The following STAU2 variants were observed in gnomAD, a reference collection of about 807,000 sequenced individuals.
The protein encoded by STAU2 is double-stranded RNA-binding protein Staufen homolog 2.
A neutral mutation model predicts 65.9 loss-of-function variants in STAU2; 20 were observed. That is an observed-to-expected ratio of 0.30 (90% CI 0.21 to 0.44). STAU2 has a LOEUF of 0.44. Ranked by LOEUF, STAU2 falls within the 20% of genes least tolerant of loss-of-function variation. The pLI, the probability that STAU2 is intolerant of heterozygous loss-of-function variation, is 1.00. For synonymous variants in STAU2, 232 were observed against 233.9 expected, an observed-to-expected ratio of 0.99 and a Z score of 0.07; for missense variants, 558 against 683.9, an observed-to-expected ratio of 0.82 and a Z score of 2.05.
rs368346864 is a variant in STAU2, at chr8:73,435,039, ACACCTGGCAGATGTCAG to A, written c.1531-12354_1531-12338del. Among the ~76,000 whole-genome samples, 447 of 129,106 alleles carry A rather than the reference ACACCTGGCAGATGTCAG, an allele frequency of 3.5e-3. 10 individuals are homozygous for A. The highest frequency in any genetic ancestry group is 0.019 in the African/African-American group (424 of 22,344). 84.7% of individuals were successfully genotyped at this position (129,106 alleles called of 152,430 possible). On this transcript the variant is annotated intron_variant, in intron 13 of 14. Transcript: ENST00000524300. The stretch of plus-strand genomic sequence containing the variant: ...AGGAGACCAGTCCCTAGCCTCAGGA[ACACCTGGCAGATGTCAG>A]CGTTATCCACACGCTCCCTGGCCAG...
chr8:73,557,884 A>G (rs1171262619), intron 12 of STAU2, among the ~76,000 whole-genome samples: 4 of 152,218 alleles, frequency 2.6e-5, no homozygotes, highest in African/African-American at 9.6e-5. Flanking sequence ...GGTACAGTCT[A>G]TAACTACAGT....
intron 13 of STAU2, among the ~76,000 whole-genome samples, chr8:73,521,997 T>C (rs1292569133): frequency 6.6e-6 from 1 of 152,236 alleles, no homozygotes; most frequent in Non-Finnish European, 1.5e-5. Flanking sequence ...CATTCTTTCA[T>C]GTATATGAAG....
At chr8:73,524,238 G>GT (rs777243633) in intron 13 of STAU2, among the ~76,000 whole-genome samples, 7 of 152,170 alleles carry the variant, frequency 4.6e-5, no homozygotes, top group Non-Finnish European at 1.0e-4. Flanking sequence ...GGTGTAGCAT[G>GT]TGACGGGGAC....
At chr8:73,691,231 C>T (rs1010383791) in intron 4 of STAU2, among the ~76,000 whole-genome samples, 1 of 152,140 alleles carries the variant, frequency 6.6e-6, no homozygotes, top group Non-Finnish European at 1.5e-5. Context: ...CCACTCTACC[C>T]CCTCCAAATC....
chr8:73,421,167 G>T lies in STAU2; in HGVS notation c.*205C>A. On this transcript the variant is annotated 3_prime_UTR_variant, in exon 15 of 15. Coordinates refer to ENST00000524300, the MANE Select transcript of STAU2 (RefSeq NM_001164380.2). Reference sequence around the variant, plus strand: ...GGCAAATGAGTTATGATCTGATCTCGAGTTCCAAGGGAAATGCTCAAAGTT... The same window carrying T: ...GGCAAATGAGTTATGATCTGATCTCTAGTTCCAAGGGAAATGCTCAAAGTT... 1 of 512,406 alleles carries T rather than the reference G, an allele frequency of 2.0e-6. No individual in the cohort carries two copies. Among genetic ancestry groups the T allele is most frequent in the Non-Finnish European group, 3.4e-6 (1 of 292,340 alleles). 31.7% of individuals were successfully genotyped at this position (512,406 alleles called of 1,614,324 possible). A position where few individuals can be genotyped will look rare whatever the true frequency, so the allele number is the denominator to read the frequency against.
At chr8:73,497,535 C>T (rs1821492322) in intron 13 of STAU2, among the ~76,000 whole-genome samples, 1 of 151,650 alleles carries the variant, frequency 6.6e-6, no homozygotes, top group Non-Finnish European at 1.5e-5. Context: ...CAGGTTCTAA[C>T]TGAGAAAAAT....
chr8:73,461,683 T>C (rs1264067042), intron 13 of STAU2, among the ~76,000 whole-genome samples: 1 of 151,686 alleles, frequency 6.6e-6, no homozygotes, highest in East Asian at 1.9e-4. Context: ...AGGAGGAGGA[T>C]GGAGACTGTG....
At chr8:73,635,599 G>A (rs10101422) in intron 6 of STAU2, among the ~76,000 whole-genome samples, 10,806 of 152,060 alleles carry the variant, frequency 0.071, 419 homozygotes, top group Middle Eastern at 0.14. Context: ...GGCCAAGGTG[G>A]GTGGATCATG....
At chr8:73,728,416 T>C (rs1368585028) in intron 3 of STAU2, among the ~76,000 whole-genome samples, 1 of 150,394 alleles carries the variant, frequency 6.6e-6, no homozygotes, top group African/African-American at 2.5e-5. Flanking sequence ...GCTATTTGGA[T>C]CTGTTGCAAT....
At chr8:73,442,136 C>CTT (rs1371477263) in intron 13 of STAU2, among the ~76,000 whole-genome samples, 2 of 151,940 alleles carry the variant, frequency 1.3e-5, no homozygotes, top group African/African-American at 2.4e-5. Flanking sequence ...GGGCGGATCA[C>CTT]GAGGTCAGGA....
At chr8:73,527,711 T>A (rs915299329) in intron 13 of STAU2, 2 of 1,536,544 alleles carry the variant, frequency 1.3e-6, no homozygotes, top group African/African-American at 2.7e-5. Flanking sequence ...CTGGCTTCAA[T>A]GGAGCTTCCA....
chr8:73,694,308 T>C (rs566391250), intron 4 of STAU2, among the ~76,000 whole-genome samples: 1 of 152,228 alleles, frequency 6.6e-6, no homozygotes, highest in South Asian at 2.1e-4. Flanking sequence ...TATAGTACAG[T>C]TGAACAACAC....
At chr8:73,421,600 G>A in intron 14 of STAU2, 135 bp from the exon 15 acceptor site, 2 of 758,126 alleles carry the variant, frequency 2.6e-6, no homozygotes, top group Non-Finnish European at 4.3e-6. Flanking sequence ...CAATATTTAT[G>A]TTCAGATAGT....
chr8:73,637,477 T>TAACAAAAAAAAAAAAA (rs1814618382), intron 6 of STAU2, among the ~76,000 whole-genome samples: 1 of 57,086 alleles, frequency 1.8e-5, no homozygotes, highest in Non-Finnish European at 3.0e-5. Context: ...GTGCTGAAAG[T>TAACAAAAAAAAAAAAA]AAAAAAAAAA....
chr8:73,719,902 A>AT (rs1821519391), intron 3 of STAU2, among the ~76,000 whole-genome samples: 1 of 152,206 alleles, frequency 6.6e-6, no homozygotes. Context: ...CTTAACTTGT[A>AT]TAATTCACCA....
rs150211307 is a variant in STAU2 at position 73,552,300 on chromosome 8, A to G, written c.1242T>C (p.His414=). The change falls in exon 13 of 15, where the codon CAT becomes CAC. Residue 414 remains histidine (H), a synonymous_variant. Coordinates refer to ENST00000524300, the MANE Select transcript of STAU2 (RefSeq NM_001164380.2). ...PTNNTPKGIL[H]LSPDVYQEME... ...TCTCTTGATAAACATCAGGAGACAAATGAAGAATTCCTTTTGGAGCTATAA... is the reference window on the plus strand; with the variant it reads ...TCTCTTGATAAACATCAGGAGACAAGTGAAGAATTCCTTTTGGAGCTATAA... 2.5e-6 allele frequency: 4 copies of G among 1,612,290 alleles called. No individual in the cohort carries two copies. In the Admixed American group the frequency reaches 6.7e-5, roughly 27 times the overall value.
At chr8:73,666,166 T>G (rs568207793) in intron 6 of STAU2, among the ~76,000 whole-genome samples, 3 of 152,202 alleles carry the variant, frequency 2.0e-5, no homozygotes, top group Admixed American at 6.5e-5. Flanking sequence ...TTTAAGAGGG[T>G]GTTACAAATG....
At chr8:73,639,427 G>A (rs921496484) in intron 6 of STAU2, among the ~76,000 whole-genome samples, 2 of 152,038 alleles carry the variant, frequency 1.3e-5, no homozygotes, top group African/African-American at 2.4e-5. Context: ...ACATCTGGGA[G>A]ATGAATGAGA....
chr8:73,638,594 G>T (rs1814728447), intron 6 of STAU2, among the ~76,000 whole-genome samples: 1 of 148,126 alleles, frequency 6.8e-6, no homozygotes, highest in African/African-American at 2.5e-5. Flanking sequence ...ACCCACTAAA[G>T]TTCTAGACTT....
Sources: allele counts gnomAD v4.1 joint callset (sites outside exome capture counted in the v4.1 genomes callset), GRCh38; gene constraint gnomAD v4.1.1; transcripts MANE v1.5; gene names NCBI Gene and HGNC (gene_info 2026-07-23, HGNC 2026-07-21).